Variants in MOXD1 observed in about 807,000 individuals in gnomAD.
The protein encoded by MOXD1 is DBH-like monooxygenase protein 1.
In MOXD1, 62 loss-of-function variants were observed where a neutral mutation model predicts 66.6. The observed-to-expected ratio is 0.93, with a 90% CI of 0.76 to 1.15. The LOEUF is 1.15. MOXD1 is among the 50% of genes most tolerant of loss of function. The pLI, the probability that MOXD1 is intolerant of heterozygous loss-of-function variation, is 0.00. For synonymous variants in MOXD1, 303 were observed against 281.9 expected (o/e 1.07, Z -0.75); for missense variants, 847 against 754.6 (o/e 1.12, Z -1.44).
At chr6:132,358,741 C>A (rs1354145439) in intron 4 of MOXD1, among the ~76,000 whole-genome samples, 1 of 151,854 alleles carries the variant, frequency 6.6e-6, no homozygotes, top group Middle Eastern at 3.2e-3. Context: ...GAGAAAATAC[C>A]CAATTTTATT....
At chr6:132,371,787 G>A (rs573115976) in intron 4 of MOXD1, among the ~76,000 whole-genome samples, 7 of 152,098 alleles carry the variant, frequency 4.6e-5, no homozygotes, top group South Asian at 4.2e-4. Flanking sequence ...TATCCACATC[G>A]CTTCATTACA....
In MOXD1 at chr6:132,384,068, C is replaced by CA. The variant is rs200732867; in HGVS notation, c.265-9292dup. 2.3e-3 allele frequency among the ~76,000 whole-genome samples: 342 copies of CA among 150,420 alleles called. 1 individual carries two copies. Among genetic ancestry groups the CA allele is most frequent in the African/African-American group, 6.2e-3 (255 of 41,024 alleles). On this transcript the variant is annotated intron_variant, in intron 1 of 11. Transcript: ENST00000367963. The stretch of plus-strand genomic sequence containing the variant: ...TGGGCGGCAGAGCAAGATTCTGTCT[C>CA]AAAAAAAAATGAATTATCTTAACTG...
rs780229689 is a variant in MOXD1, at chr6:132,297,262, G to A, written c.1733C>T (p.Pro578Leu). Reference sequence around the variant, plus strand: ...GGAAGAAGACGTGCCACACACCAAAGGTTCTGCTTTATAGGGTCTTTCTAT... The same window carrying A: ...GGAAGAAGACGTGCCACACACCAAAAGTTCTGCTTTATAGGGTCTTTCTAT... The part of the protein sequence containing the change: ...PDIERPYKAE[P>L]LVCGTSSSSS... Residue 578 changes from proline to leucine, a missense_variant, in exon 12 of 12, where the codon CCT becomes CTT. Physicochemically the swap from Pro to Leu is moderately conservative, Grantham distance 98. Transcript: ENST00000367963. The A allele has an allele frequency of 6.2e-6, 10 of 1,613,614 alleles. No individual in the cohort carries two copies. Among genetic ancestry groups the A allele is most frequent in the Admixed American group, 5.0e-5 (3 of 59,956 alleles).
In MOXD1 at chr6:132,297,913, G is replaced by C. The variant is rs761241376; in HGVS notation, c.1551C>G (p.Asn517Lys). The change falls in exon 11 of 12, where the codon AAC (asparagine) becomes AAG (lysine). Residue 517 changes from asparagine (N) to lysine (K), a missense_variant. Asn to Lys is a moderately conservative substitution (Grantham distance 94, BLOSUM62 0). Coordinates refer to ENST00000367963, the MANE Select transcript of MOXD1 (RefSeq NM_015529.4). ...FIIKSPKQYK[N>K]LSFMDAMNKF... The stretch of plus-strand genomic sequence containing the variant: ...TATTCATAGCATCCATGAAAGAAAG[G>C]TTTTTATATTGCTTGGGACTTTTGA... The C allele has an allele frequency of 1.9e-6, 3 of 1,612,528 alleles. No homozygotes were observed. Among genetic ancestry groups the C allele is most frequent in the Admixed American group, 1.7e-5 (1 of 59,668 alleles).
intron 10 of MOXD1, among the ~76,000 whole-genome samples, chr6:132,303,732 C>CACACACACAA (rs1422469786): frequency 6.9e-6 from 1 of 144,294 alleles, no homozygotes; most frequent in Non-Finnish European, 1.5e-5. Context: ...CACACACACA[C>CACACACACAA]ACATTTATTT....
intron 10 of MOXD1, among the ~76,000 whole-genome samples, chr6:132,300,469 A>G (rs1425112815): frequency 1.3e-5 from 2 of 152,184 alleles, no homozygotes; most frequent in African/African-American, 4.8e-5. Flanking sequence ...CAATTTTATA[A>G]CCAGATAAAT....
At chr6:132,319,008 G>T (rs78866149) in intron 9 of MOXD1, among the ~76,000 whole-genome samples, 231 of 151,974 alleles carry the variant, frequency 1.5e-3, no homozygotes, top group Non-Finnish European at 2.8e-3. Flanking sequence ...TGCCTCTTCT[G>T]CTCCAAGTCT....
rs576711754 is a variant in MOXD1 at position 132,296,922 on chromosome 6, G to C, written c.*231C>G. 4 of 347,674 alleles carry C rather than the reference G, an allele frequency of 1.2e-5. No individual in the cohort carries two copies. The highest frequency in any genetic ancestry group is 2.1e-5 in the Non-Finnish European group (4 of 194,214). 21.5% of individuals were successfully genotyped at this position (347,674 alleles called of 1,614,324 possible). A position where few individuals can be genotyped will look rare whatever the true frequency, so the allele number is the denominator to read the frequency against. ...TTTTTAAAATGGTTATCTTAAGTCA[G>C]GCCAGTTTTATTTTATTGACCATGT... On this transcript the variant is annotated 3_prime_UTR_variant, in exon 12 of 12. Transcript: ENST00000367963.
chr6:132,302,742 A>G (rs947248231), intron 10 of MOXD1, among the ~76,000 whole-genome samples: 2 of 152,130 alleles, frequency 1.3e-5, no homozygotes, highest in African/African-American at 4.8e-5. Flanking sequence ...ATAAACCTAG[A>G]CTATCAAAAT....
chr6:132,353,289 T>G (rs560344024), intron 4 of MOXD1, among the ~76,000 whole-genome samples: 1 of 152,188 alleles, frequency 6.6e-6, no homozygotes, highest in African/African-American at 2.4e-5. Flanking sequence ...AGGTTCTGTT[T>G]TGATGTGTTT....
chr6:132,333,522 A>G (rs977662576), intron 4 of MOXD1, among the ~76,000 whole-genome samples: 1 of 152,196 alleles, frequency 6.6e-6, no homozygotes, highest in Non-Finnish European at 1.5e-5. Context: ...GACCATAGAA[A>G]GTATACGAAT....
chr6:132,302,507 C>A (rs114898361), intron 10 of MOXD1, among the ~76,000 whole-genome samples: 2 of 151,714 alleles, frequency 1.3e-5, no homozygotes, highest in African/African-American at 2.4e-5. Context: ...ACAAAACATG[C>A]GCAAAACTTC....
intron 10 of MOXD1, among the ~76,000 whole-genome samples, chr6:132,303,749 A>T (rs1464278421): frequency 1.1e-5 from 1 of 91,362 alleles, no homozygotes; most frequent in Non-Finnish European, 1.9e-5. Flanking sequence ...ATTTATACAC[A>T]TGTACATATA....
chr6:132,384,759 T>C (rs1776591950), intron 1 of MOXD1, among the ~76,000 whole-genome samples: 1 of 152,220 alleles, frequency 6.6e-6, no homozygotes, highest in South Asian at 2.1e-4. Context: ...CCAGTGGGAC[T>C]GAATTACAGT....
chr6:132,393,775 C>G (rs1452411599), intron 1 of MOXD1, among the ~76,000 whole-genome samples: 1 of 152,212 alleles, frequency 6.6e-6, no homozygotes, highest in Non-Finnish European at 1.5e-5. Context: ...TGGAGCCCAA[C>G]TGACACTCAT....
At chr6:132,311,543 A>G (rs998462014) in intron 10 of MOXD1, among the ~76,000 whole-genome samples, 2 of 151,996 alleles carry the variant, frequency 1.3e-5, no homozygotes, top group Non-Finnish European at 2.9e-5. Context: ...TGATGATTTT[A>G]TGATCTATTT....
At chr6:132,374,579 A>G in intron 2 of MOXD1, 52 bp downstream of exon 2, 9 of 1,534,222 alleles carry the variant, frequency 5.9e-6, no homozygotes, top group Non-Finnish European at 8.0e-6. Flanking sequence ...AGTGCTTCAC[A>G]AGTGTAAATA....
intron 1 of MOXD1, among the ~76,000 whole-genome samples, chr6:132,393,489 G>A (rs1040507267): frequency 1.3e-4 from 20 of 152,170 alleles, no homozygotes; most frequent in Non-Finnish European, 1.2e-4. Flanking sequence ...TTAATGTGAG[G>A]AAAGGGTAAG....
intron 1 of MOXD1, among the ~76,000 whole-genome samples, chr6:132,385,630 C>T (rs1163701156): frequency 1.3e-5 from 2 of 151,682 alleles, no homozygotes; most frequent in African/African-American, 4.8e-5. Context: ...ATTACAGGTG[C>T]CTGCCACCAT....
Sources: gnomAD v4.1 joint callset for allele counts (sites outside exome capture counted in the v4.1 genomes callset) on GRCh38, gnomAD v4.1.1 for gene constraint, MANE v1.5 for transcripts, NCBI Gene and HGNC (gene_info 2026-07-23, HGNC 2026-07-21) for gene names.